The following FHAD1 variants were observed in gnomAD, a reference collection of about 807,000 sequenced individuals.
FHAD1 encodes forkhead associated phosphopeptide binding domain 1.
Under a neutral mutation model 191.3 loss-of-function variants are expected in FHAD1, and 146 were observed. The ratio of observed to expected loss-of-function variants is 0.76; its 90% CI spans 0.67 to 0.88. FHAD1 has a LOEUF of 0.88. Among genes scored for constraint, FHAD1 ranks in the 40% least tolerant of loss-of-function variants. The pLI, the probability that FHAD1 is intolerant of heterozygous loss-of-function variation, is 0.00. For missense variants in FHAD1, 1,635 were observed against 1,785.8 expected, an observed-to-expected ratio of 0.92 and a Z score of 1.52; for synonymous variants, 616 against 672.3, an observed-to-expected ratio of 0.92 and a Z score of 1.29.
At chr1:15,260,573 C>T (rs1448506393) in intron 2 of FHAD1, among the ~76,000 whole-genome samples, 4 of 152,168 alleles carry the variant, frequency 2.6e-5, no homozygotes, top group East Asian at 1.9e-4. Context: ...GAATTTAGCT[C>T]GATGCTGCTA....
Position 15,374,438 on chromosome 1 carries a change from C to T in FHAD1, c.3448-64C>T, listed in dbSNP as rs910416869. The T allele has an allele frequency of 1.2e-5, 19 of 1,539,370 alleles. No individual in the cohort carries two copies. The African/African-American group carries it at 2.6e-4, about 21-fold the overall frequency. ...CTCTATACATGAATTGTTCACATTTCTGTGAATGTAAGAGAAATCTTCTAA... is the reference window on the plus strand; with the variant it reads ...CTCTATACATGAATTGTTCACATTTTTGTGAATGTAAGAGAAATCTTCTAA... On this transcript the variant is annotated intron_variant, in intron 26 of 33. Transcript: ENST00000688493.
rs920877849 is a variant in FHAD1 at position 15,289,478 on chromosome 1, C to A, written c.380C>A (p.Ala127Asp). The change falls in exon 4 of 34, where the codon GCC becomes GAC. Residue 127 changes from alanine to aspartate, a missense_variant. By Grantham distance (126) the Ala-to-Asp change is moderately radical. Transcript: ENST00000688493. This position sits in a 1 kb window ranked among gnomAD's most constrained non-coding sequence, Gnocchi z 4.2. ...PPRATQQPNQ[A>D]PPPSHIPFHQ... The stretch of plus-strand genomic sequence containing the variant: ...CGTGCCACACAGCAGCCAAACCAGG[C>A]CCCCCCACCATCACATATCCCCTTC... The A allele has an allele frequency of 5.2e-6, 8 of 1,551,788 alleles. No individual in the cohort carries two copies. Among genetic ancestry groups the A allele is most frequent in the Middle Eastern group, 1.7e-4 (1 of 5,990 alleles).
At chr1:15,264,447 T>C (rs1184576052) in intron 2 of FHAD1, among the ~76,000 whole-genome samples, 1 of 152,132 alleles carries the variant, frequency 6.6e-6, no homozygotes, top group Non-Finnish European at 1.5e-5. Context: ...TTATTGTTAG[T>C]GTATAGAAAT....
In FHAD1 at chr1:15,312,957, C is replaced by A. The variant is rs1056607372; in HGVS notation, c.1040-100C>A. The A allele has an allele frequency of 7.6e-6, 11 of 1,439,498 alleles. No homozygotes were observed. The highest frequency in any genetic ancestry group is 1.0e-5 in the Non-Finnish European group (11 of 1,064,216). 89.2% of individuals were successfully genotyped at this position (1,439,498 alleles called of 1,614,324 possible). A position where few individuals can be genotyped will look rare whatever the true frequency, so the allele number is the denominator to read the frequency against. ...GCTCCTGGGATCCTTGGAGACACCT[C>A]CCTTCTCAGTGCCAGGCTCGTCACA... On this transcript the variant is annotated intron_variant, in intron 7 of 33. Transcript: ENST00000688493. The surrounding 1 kb of genome is among the most constrained non-coding windows in gnomAD (Gnocchi z 4.7).
chr1:15,287,698 G>A (rs776123022), intron 3 of FHAD1, among the ~76,000 whole-genome samples: 4 of 152,114 alleles, frequency 2.6e-5, no homozygotes, highest in South Asian at 4.1e-4. Flanking sequence ...CCAGGTGATC[G>A]GAGTTTGGTG....
intron 2 of FHAD1, among the ~76,000 whole-genome samples, chr1:15,256,645 CAAAAAAAAAAAAAA>C (rs34598860): frequency 1.1e-3 from 78 of 71,260 alleles, no homozygotes; most frequent in African/African-American, 3.0e-3. Flanking sequence ...AGACTCTGTC[CAAAAAAAAAAAAAA>C]AAAAAAAAAA....
intron 21 of FHAD1, among the ~76,000 whole-genome samples, 171 bp downstream of exon 21, chr1:15,358,454 A>G (rs1344404766): frequency 2.0e-5 from 3 of 152,204 alleles, no homozygotes; most frequent in Non-Finnish European, 4.4e-5. Flanking sequence ...GATATTTAGC[A>G]CCACCTCTGT....
chr1:15,375,817 C>A, intron 28 of FHAD1, 87 bp downstream of exon 28: 1 of 1,365,524 alleles, frequency 7.3e-7, no homozygotes, highest in Non-Finnish European at 9.8e-7. Context: ...CCTGGCACAG[C>A]CATACATGTC....
At chr1:15,298,616 A>G (rs988534759) in intron 5 of FHAD1, among the ~76,000 whole-genome samples, 2 of 152,108 alleles carry the variant, frequency 1.3e-5, no homozygotes, top group African/African-American at 4.8e-5. Context: ...TTGCTTGGAG[A>G]CCACCCAATA....
Position 15,345,198 on chromosome 1 carries a change from G to T in FHAD1, c.2238+8G>T, listed in dbSNP as rs1447198668. The T allele has an allele frequency of 6.5e-7, 1 of 1,548,576 alleles. No individual in the cohort carries two copies. Among genetic ancestry groups the T allele is most frequent in the East Asian group, 2.4e-5 (1 of 40,886 alleles). On this transcript the variant is annotated splice_region_variant and intron_variant, in intron 17 of 33. Coordinates refer to ENST00000688493, the MANE Select transcript of FHAD1 (RefSeq NM_001391957.1). ...CTGGCCCAGCAGAAGAAGGTATGTG[G>T]CTCAGGGAGACAGAGTCAGCTCGAG...
chr1:15,308,890 A>G (rs1671390354), intron 7 of FHAD1, among the ~76,000 whole-genome samples, 154 bp downstream of exon 7: 1 of 152,200 alleles, frequency 6.6e-6, no homozygotes. Flanking sequence ...GTTCCTGTCC[A>G]TGAATCTGAG....
chr1:15,376,078 TTTTTTTATTTA>T (rs1558271158), intron 28 of FHAD1, among the ~76,000 whole-genome samples: 4 of 134,748 alleles, frequency 3.0e-5, no homozygotes, highest in African/African-American at 1.1e-4. Flanking sequence ...TATTTATTTA[TTTTTTTATTTA>T]TTTTTTTATT....
chr1:15,355,999 G>C (rs1477508573), intron 20 of FHAD1, among the ~76,000 whole-genome samples: 2 of 150,378 alleles, frequency 1.3e-5, no homozygotes, highest in African/African-American at 4.9e-5. Flanking sequence ...AGTCCACTGA[G>C]CACAGTTGCC....
chr1:15,331,434 G>A lies in FHAD1; in HGVS notation c.1906+1893G>A, dbSNP rs532504362. 1.8e-3 allele frequency among the ~76,000 whole-genome samples: 265 copies of A among 150,918 alleles called. 1 individual carries two copies. Among genetic ancestry groups the A allele is most frequent in the African/African-American group, 5.2e-3 (211 of 40,960 alleles). On this transcript the variant is annotated intron_variant, in intron 14 of 33. Coordinates refer to ENST00000688493, the MANE Select transcript of FHAD1 (RefSeq NM_001391957.1). The stretch of plus-strand genomic sequence containing the variant: ...TGGGTGGGTGGATGGATGGATGGAC[G>A]GACGGGTGGAAGAAAGAATGGATGG...
At chr1:15,367,650 G>T in intron 25 of FHAD1, 28 bp downstream of exon 25, 1 of 1,411,240 alleles carries the variant, frequency 7.1e-7, no homozygotes. Context: ...CGGGTTGGGG[G>T]GATGGTTTGC....
chr1:15,369,875 G>A (rs934014807), intron 26 of FHAD1, among the ~76,000 whole-genome samples: 2 of 152,202 alleles, frequency 1.3e-5, no homozygotes, highest in African/African-American at 2.4e-5. Flanking sequence ...TGTTCTGACA[G>A]TAATGACCAC....
intron 2 of FHAD1, among the ~76,000 whole-genome samples, chr1:15,265,183 G>A (rs551477103): frequency 5.3e-5 from 8 of 152,154 alleles, no homozygotes; most frequent in Admixed American, 2.6e-4. Flanking sequence ...CTCTTACTTC[G>A]CCTTTTGAGT....
chr1:15,369,537 G>A (rs1179810465), intron 26 of FHAD1, 35 bp downstream of exon 26: 5 of 1,549,290 alleles, frequency 3.2e-6, no homozygotes, highest in African/African-American at 1.4e-5. Flanking sequence ...CTGGAAGGAT[G>A]TGCAAAGACA....
intron 3 of FHAD1, among the ~76,000 whole-genome samples, chr1:15,279,199 G>A (rs545732499): frequency 2.6e-5 from 4 of 152,190 alleles, no homozygotes; most frequent in East Asian, 3.9e-4. Flanking sequence ...GTCAGAACTC[G>A]CATTAACACC....
Sources: allele counts gnomAD v4.1 joint callset (sites outside exome capture counted in the v4.1 genomes callset), GRCh38; gene constraint gnomAD v4.1.1; non-coding constraint Gnocchi (gnomAD v3.1); transcripts MANE v1.5; gene names NCBI Gene and HGNC (gene_info 2026-07-23, HGNC 2026-07-21).